The following MACROD2 variants were observed in gnomAD, a reference collection of about 807,000 sequenced individuals.
MACROD2 encodes the protein mono-ADP ribosylhydrolase 2, also known as ADP-ribose glycohydrolase MACROD2.
A neutral mutation model predicts 70.4 loss-of-function variants in MACROD2; 36 were observed. The observed-to-expected ratio is 0.51, with a 90% confidence interval of 0.39 to 0.68. The LOEUF is 0.68. Ranked by LOEUF, MACROD2 falls within the 30% of genes least tolerant of loss-of-function variation. The probability of loss-of-function intolerance (pLI) is 0.00; values close to 1 mark genes in which losing one functional copy is unlikely to be tolerated. For missense variants in MACROD2, 496 were observed against 538.4 expected (o/e 0.92, Z 0.78); for synonymous variants, 172 against 178.8 (o/e 0.96, Z 0.30).
intron 8 of MACROD2, among the ~76,000 whole-genome samples, chr20:15,559,183 C>G (rs911355161): frequency 7.0e-6 from 1 of 143,240 alleles, no homozygotes; most frequent in South Asian, 2.2e-4. Flanking sequence ...GTCGAGATCG[C>G]GCCACTGCAC....
chr20:14,673,258 C>A (rs2070816874), intron 4 of MACROD2, among the ~76,000 whole-genome samples: 1 of 152,260 alleles, frequency 6.6e-6, no homozygotes, highest in South Asian at 2.1e-4. Context: ...AGAGTCAGGA[C>A]TCATGGTTTC....
intron 5 of MACROD2, among the ~76,000 whole-genome samples, chr20:15,199,007 C>CTTT (rs11477634): frequency 5.9e-5 from 7 of 118,626 alleles, no homozygotes; most frequent in Non-Finnish European, 6.9e-5. Flanking sequence ...ATCTGGACTT[C>CTTT]TTTTTTTTTT....
Position 14,146,323 on chromosome 20 carries a change from A to G in MACROD2, c.271+60595A>G, listed in dbSNP as rs567562800. ...GACAGAGCGAGACCTCCGCCTCAGG[A>G]AAAAAAAAACAAAAAACAAAGATTT... On this transcript the variant is annotated intron_variant, in intron 3 of 17. Coordinates refer to ENST00000684519, the MANE Select transcript of MACROD2 (RefSeq NM_001351661.2). Among the ~76,000 whole-genome samples the G allele has an allele frequency of 2.4e-3, 356 of 148,892 alleles. 2 individuals are homozygous for G. Among genetic ancestry groups the G allele is most frequent in the African/African-American group, 8.3e-3 (335 of 40,400 alleles).
intron 6 of MACROD2, among the ~76,000 whole-genome samples, chr20:15,289,299 T>G (rs552056343): frequency 6.6e-6 from 1 of 152,288 alleles, no homozygotes; most frequent in Non-Finnish European, 1.5e-5. Context: ...GTGCTGGTAG[T>G]GACACAAGGA....
At chr20:14,085,767 AG>A in intron 3 of MACROD2, 39 bp downstream of exon 3, 1 of 1,205,554 alleles carries the variant, frequency 8.3e-7, no homozygotes, top group Non-Finnish European at 1.1e-6. Flanking sequence ...TTGTTATGTA[AG>A]TATTATTTCA....
At chr20:15,530,762 T>C (rs2047787599) in intron 8 of MACROD2, among the ~76,000 whole-genome samples, 1 of 150,912 alleles carries the variant, frequency 6.6e-6, no homozygotes, top group East Asian at 1.9e-4. Context: ...TTACTTTCCA[T>C]GTACGCGTAT....
intron 6 of MACROD2, among the ~76,000 whole-genome samples, chr20:15,272,129 CTAAT>C (rs758517271): frequency 8.5e-5 from 13 of 152,182 alleles, no homozygotes; most frequent in African/African-American, 2.2e-4. Flanking sequence ...GCTAAAATGT[CTAAT>C]TAGTTAATCA....
At chr20:15,673,057 CCT>C (rs1411594411) in intron 8 of MACROD2, among the ~76,000 whole-genome samples, 2 of 152,170 alleles carry the variant, frequency 1.3e-5, no homozygotes, top group African/African-American at 4.8e-5. Context: ...GTCCATTAAA[CCT>C]CTTTCTTTTA....
At position 15,877,727 on chromosome 20, in the gene MACROD2, C is replaced by A. The variant is rs150922139; in HGVS notation, c.728-8037C>A. On this transcript the variant is annotated intron_variant, in intron 9 of 17. Transcript: ENST00000684519. Reference sequence around the variant, plus strand: ...TTGCTAATAATATTTCTTTTTTCTGCAAATCCAAATTGTTCCTAGAAGCTT... The same window carrying A: ...TTGCTAATAATATTTCTTTTTTCTGAAAATCCAAATTGTTCCTAGAAGCTT... 1.3e-3 allele frequency among the ~76,000 whole-genome samples: 204 copies of A among 152,172 alleles called. 1 individual carries two copies. Among genetic ancestry groups the A allele is most frequent in the African/African-American group, 4.8e-3 (198 of 41,528 alleles).
chr20:14,103,726 A>C (rs567223414), intron 3 of MACROD2, among the ~76,000 whole-genome samples: 1 of 152,270 alleles, frequency 6.6e-6, no homozygotes, highest in South Asian at 2.1e-4. Context: ...AGGACTGCTT[A>C]CTTTTTTGTT....
At chr20:16,013,364 A>G (rs1042145850) in intron 15 of MACROD2, among the ~76,000 whole-genome samples, 1 of 152,240 alleles carries the variant, frequency 6.6e-6, no homozygotes, top group African/African-American at 2.4e-5. Flanking sequence ...AACCTAAAAT[A>G]GAAATTGTAA....
At chr20:15,280,245 A>G (rs1326434654) in intron 6 of MACROD2, among the ~76,000 whole-genome samples, 1 of 152,136 alleles carries the variant, frequency 6.6e-6, no homozygotes, top group Non-Finnish European at 1.5e-5. Flanking sequence ...ACTGCGTGGT[A>G]CAGCAAACAT....
chr20:15,488,573 G>T (rs1390072511), intron 7 of MACROD2, among the ~76,000 whole-genome samples: 1 of 152,196 alleles, frequency 6.6e-6, no homozygotes, highest in Non-Finnish European at 1.5e-5. Flanking sequence ...CCATAGTGCA[G>T]AGGAAGCCCC....
chr20:16,025,092 A>G (rs2067058735), intron 15 of MACROD2, among the ~76,000 whole-genome samples: 1 of 152,238 alleles, frequency 6.6e-6, no homozygotes. Flanking sequence ...CATGAACAAG[A>G]AAAGGATTAA....
chr20:15,224,930 A>C (rs2076892479), intron 5 of MACROD2, among the ~76,000 whole-genome samples: 1 of 151,324 alleles, frequency 6.6e-6, no homozygotes, highest in African/African-American at 2.4e-5. Context: ...ACTGCACTGC[A>C]GCCTGGGCAA....
chr20:14,393,610 C>G (rs572477186), intron 3 of MACROD2, among the ~76,000 whole-genome samples: 1 of 152,274 alleles, frequency 6.6e-6, no homozygotes, highest in South Asian at 2.1e-4. Context: ...GCTCCTCTCT[C>G]CCACCAACAC....
intron 5 of MACROD2, among the ~76,000 whole-genome samples, chr20:14,941,001 G>C (rs1002320669): frequency 6.6e-6 from 1 of 152,076 alleles, no homozygotes; most frequent in African/African-American, 2.4e-5. Flanking sequence ...TTAGAATTCA[G>C]CTGTGAAGCC....
At chr20:14,995,123 A>T (rs1251360624) in intron 5 of MACROD2, among the ~76,000 whole-genome samples, 9 of 152,176 alleles carry the variant, frequency 5.9e-5, no homozygotes, top group Non-Finnish European at 4.4e-5. Context: ...GCCTTTTAGT[A>T]ACCAACTGTG....
At chr20:15,927,588 C>T (rs1327364786) in intron 10 of MACROD2, among the ~76,000 whole-genome samples, 4 of 151,916 alleles carry the variant, frequency 2.6e-5, no homozygotes, top group South Asian at 2.1e-4. Flanking sequence ...GGTGTGTGAG[C>T]GTGTAAAGGC....
Sources: allele counts gnomAD v4.1 joint callset (sites outside exome capture counted in the v4.1 genomes callset), GRCh38; gene constraint gnomAD v4.1.1; transcripts MANE v1.5; gene names NCBI Gene and HGNC (gene_info 2026-07-23, HGNC 2026-07-21).